CACNA1I: variants seen among roughly 807,000 people sequenced by gnomAD.
CACNA1I encodes the protein calcium voltage-gated channel subunit alpha1 I, also known as voltage-dependent T-type calcium channel subunit alpha-1I.
In CACNA1I, 74 loss-of-function variants were observed where a neutral mutation model predicts 201.6. The observed-to-expected ratio is 0.37, with a 90% CI of 0.30 to 0.45. CACNA1I has a LOEUF of 0.45. Among genes scored for constraint, CACNA1I ranks in the 20% least tolerant of loss-of-function variants. The pLI is 1.00. For synonymous variants in CACNA1I, 1,431 were observed against 1,345.2 expected (o/e 1.06, Z -1.40); for missense variants, 2,346 against 3,138.1 (o/e 0.75, Z 6.03).
Position 39,662,203 on chromosome 22 carries a change from C to G in CACNA1I, c.3140C>G (p.Ala1047Gly). The G allele has an allele frequency of 6.5e-7, 1 of 1,529,062 alleles. No individual in the cohort carries two copies. Among genetic ancestry groups the G allele is most frequent in the African/African-American group, 1.4e-5 (1 of 70,196 alleles). 94.7% of individuals were successfully genotyped at this position (1,529,062 alleles called of 1,614,324 possible). The change falls in exon 17 of 37, where the codon GCG becomes GGG. Residue 1047 changes from alanine (A) to glycine (G), a missense_variant. By Grantham distance (60) the Ala-to-Gly change is moderately conservative (BLOSUM62 0). Transcript: ENST00000402142. The stretch of plus-strand genomic sequence containing the variant: ...CACATTCATCACGGGCCCCATCTGG[C>G]GCACCGCCACCGCCACCACCGCCGG... ...AHHIHHGPHL[A>G]HRHRHHRRTL...
rs775153224 is a variant in CACNA1I, at chr22:39,672,243, T to C, written c.4584T>C (p.Thr1528=). 10 of 1,613,812 alleles carry C rather than the reference T, an allele frequency of 6.2e-6. No homozygotes were observed. In the South Asian group the frequency reaches 1.1e-4, roughly 18 times the overall value. The change falls in exon 27 of 37, where the codon ACT becomes ACC. Residue 1528 remains threonine, a synonymous_variant. Transcript: ENST00000402142. Reference sequence around the variant, plus strand: ...AGTACTGCAACTATATGTTCACCACTGTCTTTGTGCTGGAGGCTGTGCTGA... The same window carrying C: ...AGTACTGCAACTATATGTTCACCACCGTCTTTGTGCTGGAGGCTGTGCTGA... ...ALKYCNYMFT[T]VFVLEAVLKL... is the part of the protein sequence containing the mutation.
chr22:39,586,690 C>G (rs1192505251), intron 1 of CACNA1I, among the ~76,000 whole-genome samples: 1 of 152,126 alleles, frequency 6.6e-6, no homozygotes, highest in East Asian at 1.9e-4. Context: ...GGCAGCAGCT[C>G]TCCTTGGGAA....
In CACNA1I at chr22:39,571,140, G is replaced by T. The variant is rs369477938; in HGVS notation, c.236+152G>T. On this transcript the variant is annotated intron_variant, in intron 1 of 36. Transcript: ENST00000402142. Reference sequence around the variant, plus strand: ...CTTGGTGGTGGTGAGCGAGCTCAGAGGGTGGGTCTGGGGAGACCTCAAATG... The same window carrying T: ...CTTGGTGGTGGTGAGCGAGCTCAGATGGTGGGTCTGGGGAGACCTCAAATG... 4.3e-4 allele frequency: 293 copies of T among 677,736 alleles called. 1 individual carries two copies. In the African/African-American group the frequency reaches 4.9e-3, roughly 11 times the overall value. 42.0% of individuals were successfully genotyped at this position (677,736 alleles called of 1,614,324 possible).
At chr22:39,630,883 C>T (rs1416073151) in intron 4 of CACNA1I, among the ~76,000 whole-genome samples, 3 of 151,834 alleles carry the variant, frequency 2.0e-5, no homozygotes, top group East Asian at 1.9e-4. Context: ...GAGGAGGTGT[C>T]GTGGGTGGGG....
chr22:39,617,810 TC>T (rs1933590526), intron 3 of CACNA1I, among the ~76,000 whole-genome samples: 1 of 63,110 alleles, frequency 1.6e-5, no homozygotes, highest in Non-Finnish European at 3.1e-5. Flanking sequence ...AACCCCCTCT[TC>T]CCTCCTCCTG....
At chr22:39,632,186 C>G (rs530604714) in intron 4 of CACNA1I, among the ~76,000 whole-genome samples, 2 of 152,290 alleles carry the variant, frequency 1.3e-5, no homozygotes, top group African/African-American at 2.4e-5. Flanking sequence ...AGGCTGGGAC[C>G]GTGTGGAGCT....
At chr22:39,647,789 G>A (rs1934533215) in intron 8 of CACNA1I, 33 bp from the exon 9 acceptor site, 3 of 1,414,896 alleles carry the variant, frequency 2.1e-6, no homozygotes, top group Non-Finnish European at 3.0e-6. Context: ...TCCTGAGAAG[G>A]GAGAAGATAG....
intron 3 of CACNA1I, among the ~76,000 whole-genome samples, chr22:39,604,456 C>T (rs1476488674): frequency 1.3e-5 from 2 of 152,130 alleles, no homozygotes; most frequent in African/African-American, 4.8e-5. Context: ...GGGCCCCACG[C>T]TTGGGTCCAT....
intron 10 of CACNA1I, among the ~76,000 whole-genome samples, chr22:39,655,379 G>T (rs1012880430): frequency 2.0e-5 from 3 of 152,026 alleles, no homozygotes; most frequent in Non-Finnish European, 4.4e-5. Flanking sequence ...TCCCACTGCT[G>T]CCCCCTACCT....
At chr22:39,571,757 G>A (rs563688776) in intron 1 of CACNA1I, among the ~76,000 whole-genome samples, 19 of 152,228 alleles carry the variant, frequency 1.2e-4, no homozygotes, top group Non-Finnish European at 2.5e-4. Context: ...GAAGCCCTCT[G>A]GGATTCCTCC....
At chr22:39,650,324 T>A (rs918680712) in intron 10 of CACNA1I, among the ~76,000 whole-genome samples, 1 of 151,438 alleles carries the variant, frequency 6.6e-6, no homozygotes, top group Non-Finnish European at 1.5e-5. Context: ...AAAAAAAATT[T>A]AAAAAACAGA....
chr22:39,651,609 G>A (rs577106611), intron 10 of CACNA1I, among the ~76,000 whole-genome samples: 3 of 152,318 alleles, frequency 2.0e-5, no homozygotes, highest in East Asian at 3.9e-4. Context: ...AATGAGTGCT[G>A]TGGGGCTCGC....
Position 39,653,519 on chromosome 22 carries a change from G to T in CACNA1I, c.1992+3594G>T, listed in dbSNP as rs567736477. ...GAGAGGTGGCCCAGGGCTTCCAAGG[G>T]GGGTGCAGGGAGAGAAGGAGAGGAG... On this transcript the variant is annotated intron_variant, in intron 10 of 36. Transcript: ENST00000402142. Among the ~76,000 whole-genome samples the T allele has an allele frequency of 3.2e-4, 49 of 152,320 alleles. 1 individual carries two copies. The South Asian group carries it at 9.7e-3, about 30-fold the overall frequency.
intron 3 of CACNA1I, among the ~76,000 whole-genome samples, chr22:39,604,260 G>A (rs935603126): frequency 4.6e-5 from 7 of 152,240 alleles, no homozygotes; most frequent in African/African-American, 7.2e-5. Flanking sequence ...AAATAAAGAC[G>A]ATGAGGCTCT....
chr22:39,636,404 A>C (rs1441588166), intron 5 of CACNA1I, among the ~76,000 whole-genome samples: 1 of 152,248 alleles, frequency 6.6e-6, no homozygotes, highest in African/African-American at 2.4e-5. Context: ...GAACGCCCTA[A>C]GGGAAGATGC....
intron 27 of CACNA1I, among the ~76,000 whole-genome samples, chr22:39,672,610 G>A (rs1935405501): frequency 1.3e-5 from 2 of 152,198 alleles, no homozygotes; most frequent in South Asian, 2.1e-4. Flanking sequence ...GAATAGTGAG[G>A]CTCAAAGAAG....
Position 39,665,466 on chromosome 22 carries a change from A to C in CACNA1I, c.3852-32A>C. On this transcript the variant is annotated intron_variant, in intron 21 of 36. Transcript: ENST00000402142. This position sits in a 1 kb window ranked among gnomAD's most constrained non-coding sequence, Gnocchi z 5.5. ...GGCTGCCTCCTGGCCTGGCCAAGGG[A>C]TTATGTGTGCCTGGCCTCTCCCTGC... 4.3e-6 allele frequency: 7 copies of C among 1,611,906 alleles called. No individual in the cohort carries two copies. Among genetic ancestry groups the C allele is most frequent in the Non-Finnish European group, 5.9e-6 (7 of 1,179,158 alleles).
At chr22:39,634,818 G>T in intron 5 of CACNA1I, 94 bp downstream of exon 5, 2 of 1,250,180 alleles carry the variant, frequency 1.6e-6, no homozygotes, top group Admixed American at 2.2e-5. Context: ...GACCAATGGG[G>T]TAGAAGCAGC....
rs973772000 is a variant in CACNA1I, at chr22:39,648,173, G to A, written c.1567+247G>A. Among the ~76,000 whole-genome samples the A allele has an allele frequency of 6.6e-6, 1 of 152,092 alleles. No homozygotes were observed. Among genetic ancestry groups the A allele is most frequent in the Admixed American group, 6.5e-5 (1 of 15,274 alleles). On this transcript the variant is annotated intron_variant, in intron 9 of 36. Coordinates refer to ENST00000402142, the MANE Select transcript of CACNA1I (RefSeq NM_021096.4). This position sits in a 1 kb window ranked among gnomAD's most constrained non-coding sequence, Gnocchi z 5.4. ...TTCCAGCTCTCACAGTCTGGGAATC[G>A]ATTCTTGGGAGGCAAGCAGAAGAAT... is the stretch of plus-strand genomic sequence containing the variant.
Sources: allele counts gnomAD v4.1 joint callset (sites outside exome capture counted in the v4.1 genomes callset), GRCh38; gene constraint gnomAD v4.1.1; non-coding constraint Gnocchi (gnomAD v3.1); transcripts MANE v1.5; gene names NCBI Gene and HGNC (gene_info 2026-07-23, HGNC 2026-07-21).